Variants in PTK2 observed in about 807,000 individuals in gnomAD.
PTK2 encodes protein tyrosine kinase 2, also known as focal adhesion kinase 1.
In PTK2, 45 loss-of-function variants were observed where a neutral mutation model predicts 150.1. That is an observed-to-expected ratio of 0.30 (90% CI 0.24 to 0.38). The LOEUF is 0.38. Among genes scored for constraint, PTK2 ranks in the 10% least tolerant of loss-of-function variants. PTK2 has a pLI of 1.00. For synonymous variants in PTK2, 432 were observed against 449.2 expected, an observed-to-expected ratio of 0.96 and a Z score of 0.48; for missense variants, 919 against 1,307.3, an observed-to-expected ratio of 0.70 and a Z score of 4.58.
intron 20 of PTK2, among the ~76,000 whole-genome samples, chr8:140,741,825 T>C (rs28517426): frequency 0.024 from 3,698 of 152,252 alleles, 157 homozygotes; most frequent in African/African-American, 0.085. Context: ...ACAACTGACA[T>C]GAGCTAGATT....
chr8:141,001,351 C>G, upstream of PTK2: 1 of 149,898 alleles, frequency 6.7e-6, no homozygotes, highest in Non-Finnish European at 1.5e-5. Flanking sequence ...CTCGGCAGCG[C>G]ACGCCCGACC....
intron 10 of PTK2, among the ~76,000 whole-genome samples, chr8:140,806,114 C>T (rs183523599): frequency 6.2e-4 from 94 of 152,282 alleles, no homozygotes; most frequent in Middle Eastern, 3.4e-3. Context: ...GCATCCTCGA[C>T]GGCTTTCAAA....
intron 26 of PTK2, among the ~76,000 whole-genome samples, chr8:140,692,542 G>A (rs1036061649): frequency 1.3e-5 from 2 of 152,096 alleles, no homozygotes; most frequent in East Asian, 3.9e-4. Context: ...GCTTAAACCC[G>A]GGAGGCGGAG....
intron 4 of PTK2, among the ~76,000 whole-genome samples, chr8:140,877,025 CTTTTTTT>C (rs60000363): frequency 2.5e-4 from 18 of 71,828 alleles, no homozygotes; most frequent in African/African-American, 8.8e-4. Flanking sequence ...TTCACTAATC[CTTTTTTT>C]TTTTTTTTTT....
At chr8:140,901,180 C>A (rs1391203248) in intron 2 of PTK2, among the ~76,000 whole-genome samples, 1 of 152,082 alleles carries the variant, frequency 6.6e-6, no homozygotes, top group Non-Finnish European at 1.5e-5. Flanking sequence ...TCCTTTAATA[C>A]CTGGTGCCGA....
chr8:140,798,180 G>C (rs1442803248), intron 12 of PTK2, among the ~76,000 whole-genome samples: 1 of 152,076 alleles, frequency 6.6e-6, no homozygotes, highest in African/African-American at 2.4e-5. Context: ...CGGTACATTA[G>C]AGTTGCAGAA....
At position 140,948,217 on chromosome 8, in the gene PTK2, C is replaced by G. The variant is rs537771875; in HGVS notation, c.-121-22468G>C. 2.0e-5 allele frequency among the ~76,000 whole-genome samples: 3 copies of G among 152,274 alleles called. No homozygotes were observed. The South Asian group carries it at 6.2e-4, about 32-fold the overall frequency. On this transcript the variant is annotated intron_variant, in intron 1 of 31. Transcript: ENST00000522684. ...AAACTGGCCTTGAAAGAAAGCTAAG[C>G]TGGGAAAGCTCAAGAAAACTTAAAA...
chr8:140,886,973 G>C (rs1481659569), intron 3 of PTK2, among the ~76,000 whole-genome samples: 1 of 152,060 alleles, frequency 6.6e-6, no homozygotes, highest in African/African-American at 2.4e-5. Flanking sequence ...GTTTCTCTTG[G>C]CTGTTCTAGA....
chr8:140,764,052 T>A (rs569853386), intron 15 of PTK2, 182 bp downstream of exon 17: 2 of 633,026 alleles, frequency 3.2e-6, no homozygotes, highest in Admixed American at 5.1e-5. Context: ...GTTTTAGGCT[T>A]CTGACCTTAG....
intron 1 of PTK2, among the ~76,000 whole-genome samples, chr8:140,932,596 C>T (rs2100172236): frequency 6.6e-6 from 1 of 152,172 alleles, no homozygotes; most frequent in African/African-American, 2.4e-5. Flanking sequence ...AATTTTTACA[C>T]TGGACCAGCA....
chr8:140,721,109 A>G (rs996862532), intron 22 of PTK2, among the ~76,000 whole-genome samples: 3 of 151,848 alleles, frequency 2.0e-5, no homozygotes, highest in Non-Finnish European at 4.4e-5. Context: ...GAATGGTACT[A>G]AGTTGCTCAG....
exon 32 of PTK2, chr8:140,658,911 TAACTC>T (rs2075791540): frequency 4.4e-6 from 1 of 226,298 alleles, no homozygotes; most frequent in South Asian, 1.8e-4. Context: ...TTTTCTGAAA[TAACTC>T]AAGTCTTCAA....
At chr8:140,753,438 G>A (rs1315996755) in intron 16 of PTK2, among the ~76,000 whole-genome samples, 2 of 152,162 alleles carry the variant, frequency 1.3e-5, no homozygotes, top group African/African-American at 2.4e-5. Flanking sequence ...TGTGACTGGC[G>A]TTCAAGAAAG....
intron 1 of PTK2, among the ~76,000 whole-genome samples, chr8:140,960,968 G>A (rs543019239): frequency 9.3e-4 from 142 of 152,264 alleles, no homozygotes; most frequent in African/African-American, 3.3e-3. Context: ...CAACAAGAGC[G>A]AAACTCTGTC....
chr8:140,951,321 C>T (rs951571202), intron 1 of PTK2, among the ~76,000 whole-genome samples: 3 of 152,182 alleles, frequency 2.0e-5, no homozygotes, highest in African/African-American at 7.2e-5. Context: ...TGCTTCGCAA[C>T]CAGATCCATA....
At chr8:140,664,825 C>T in intron 31 of PTK2, 92 bp downstream of exon 35, 1 of 1,271,654 alleles carries the variant, frequency 7.9e-7, no homozygotes, top group Non-Finnish European at 1.1e-6. Context: ...TGGCCACAGA[C>T]TGAGGAGCGG....
chr8:140,750,929 A>C (rs1277733297), intron 17 of PTK2, among the ~76,000 whole-genome samples: 1 of 152,134 alleles, frequency 6.6e-6, no homozygotes, highest in Non-Finnish European at 1.5e-5. Context: ...AAAAACAAAA[A>C]CAAAAAAACC....
intron 10 of PTK2, among the ~76,000 whole-genome samples, chr8:140,804,239 T>TC (rs398113111): frequency 6.6e-6 from 1 of 151,526 alleles, no homozygotes; most frequent in East Asian, 1.9e-4. Flanking sequence ...TTTTTTTTTT[T>TC]CTTTTTCTTC....
intron 1 of PTK2, chr8:140,934,505 C>A (rs2100172961): frequency 6.6e-6 from 1 of 152,178 alleles, no homozygotes; most frequent in South Asian, 2.1e-4. Flanking sequence ...TGACATCATC[C>A]TTGATTCCTT....
Sources: allele counts gnomAD v4.1 joint callset (sites outside exome capture counted in the v4.1 genomes callset), GRCh38; gene constraint gnomAD v4.1.1; transcripts MANE v1.5; gene names NCBI Gene and HGNC (gene_info 2026-07-23, HGNC 2026-07-21).